BRCA2: variants seen among roughly 807,000 people sequenced by gnomAD.
BRCA2 encodes the protein BRCA2 DNA repair associated.
In BRCA2, 203 loss-of-function variants were observed where a neutral mutation model predicts 276.7. That is an observed-to-expected ratio of 0.73 (90% CI 0.65 to 0.82). The LOEUF (loss-of-function observed/expected upper bound fraction) is 0.82, where lower values mean the gene tolerates loss of function less well. BRCA2 is among the 40% of genes least tolerant of loss of function. BRCA2 has a pLI of 0.00. For missense variants in BRCA2, 3,920 were observed against 3,915.0 expected, an observed-to-expected ratio of 1.00 and a Z score of -0.03; for synonymous variants, 1,289 against 1,338.4, an observed-to-expected ratio of 0.96 and a Z score of 0.81.
At chr13:32,364,880 G>A (rs1411411242) in intron 18 of BRCA2, among the ~76,000 whole-genome samples, 1 of 151,906 alleles carries the variant, frequency 6.6e-6, no homozygotes, top group African/African-American at 2.4e-5. Context: ...TCTTTTCTGT[G>A]TTAGAAACCC....
intron 18 of BRCA2, among the ~76,000 whole-genome samples, chr13:32,367,449 A>C (rs1373608590): frequency 6.6e-6 from 1 of 151,914 alleles, no homozygotes; most frequent in Non-Finnish European, 1.5e-5. Context: ...AGAAAAAAAA[A>C]AGGATAATAA....
intron 3 of BRCA2, among the ~76,000 whole-genome samples, chr13:32,324,280 G>C (rs190438891): frequency 6.6e-6 from 1 of 152,278 alleles, no homozygotes; most frequent in Non-Finnish European, 1.5e-5. Context: ...AAGCCTGAAA[G>C]AGTTGTTCCA....
At chr13:32,392,699 A>G (rs2073005307) in intron 24 of BRCA2, among the ~76,000 whole-genome samples, 1 of 152,216 alleles carries the variant, frequency 6.6e-6, no homozygotes, top group Admixed American at 6.5e-5. Flanking sequence ...GCTTCCCCTA[A>G]TGTTAACATC....
At chr13:32,362,408 T>C (rs902521665) in intron 16 of BRCA2, 115 bp from the exon 17 acceptor site, 13 of 1,040,298 alleles carry the variant, frequency 1.2e-5, no homozygotes, top group South Asian at 1.2e-4. Context: ...TATGAACTCA[T>C]AAAAACTTAA....
At chr13:32,370,336 T>G (rs81002808) in intron 18 of BRCA2, 66 bp from the exon 19 acceptor site, 1 of 1,470,724 alleles carries the variant, frequency 6.8e-7, no homozygotes, top group Non-Finnish European at 9.5e-7. Context: ...AAAACTCTTA[T>G]GATATCTGTA....
chr13:32,325,765 T>C lies in BRCA2; in HGVS notation c.426-336T>C, dbSNP rs11571621. On this transcript the variant is annotated intron_variant, in intron 4 of 26. Transcript: ENST00000380152. ...CCGTGTTAGCTAGGATGGTCTCGATTTCCTGACCTCGTGATCCGCCCGCCT... is the reference window on the plus strand; with the variant it reads ...CCGTGTTAGCTAGGATGGTCTCGATCTCCTGACCTCGTGATCCGCCCGCCT... Among the ~76,000 whole-genome samples the C allele has an allele frequency of 7.3e-3, 1,108 of 151,970 alleles. 16 individuals carry two copies. The highest frequency in any genetic ancestry group is 0.025 in the African/African-American group (1,038 of 41,448).
chr13:32,341,016 A>T lies in BRCA2; in HGVS notation c.6661A>T (p.Asn2221Tyr), dbSNP rs1555284785. The change falls in exon 11 of 27, where the codon AAC (asparagine) becomes TAC (tyrosine). Residue 2221 changes from asparagine (N) to tyrosine (Y), a missense_variant. Asn to Tyr is a moderately radical substitution (Grantham distance 143, BLOSUM62 -2). Around this residue, in one of 2 missense-constraint regions of BRCA2, gnomAD observed 3,263 missense variants for 3,156.9 expected, o/e 1.03. Transcript: ENST00000380152. ...VCSTYSKDSE[N>Y]YFETEAVEIA... The stretch of plus-strand genomic sequence containing the variant: ...TTCTACTTACTCCAAAGATTCAGAA[A>T]ACTACTTTGAAACAGAAGCAGTAGA... 1 of 1,613,146 alleles carries T rather than the reference A, an allele frequency of 6.2e-7. No homozygotes were observed. Among genetic ancestry groups the T allele is most frequent in the Non-Finnish European group, 8.5e-7 (1 of 1,179,790 alleles).
rs1555282734 is a variant in BRCA2, at chr13:32,336,887, A to C, written c.2532A>C (p.Ser844=). 6.2e-7 allele frequency: 1 copy of C among 1,609,920 alleles called. No homozygotes were observed. The highest frequency in any genetic ancestry group is 8.5e-7 in the Non-Finnish European group (1 of 1,179,078). The change falls in exon 11 of 27, where the codon TCA becomes TCC. Residue 844 remains serine, a synonymous_variant. Coordinates refer to ENST00000380152, the MANE Select transcript of BRCA2 (RefSeq NM_000059.4). The part of the protein sequence containing the change: ...LPPEKYMRVA[S]PSRKVQFNQN... ...CTGAAAAATACATGAGAGTAGCATC[A>C]CCTTCAAGAAAGGTACAATTCAACC...
rs767290713 is a variant in BRCA2, at chr13:32,355,203, T to C, written c.7350T>C (p.Asn2450=). 3 of 1,613,618 alleles carry C rather than the reference T, an allele frequency of 1.9e-6. No homozygotes were observed. The South Asian group carries it at 3.3e-5, about 18-fold the overall frequency. The change falls in exon 14 of 27, where the codon AAT becomes AAC. Residue 2450 remains asparagine (N), a synonymous_variant. Coordinates refer to ENST00000380152, the MANE Select transcript of BRCA2 (RefSeq NM_000059.4). ...CTGATGATAGTAAAAATAAGATTAA[T>C]GACAATGAGATTCATCAGTTTAACA... ...HGSDDSKNKI[N]DNEIHQFNKN...
At chr13:32,375,718 GC>G (rs1460951813) in intron 20 of BRCA2, among the ~76,000 whole-genome samples, 4 of 151,914 alleles carry the variant, frequency 2.6e-5, no homozygotes, top group Admixed American at 1.3e-4. Flanking sequence ...GTGCCACCAC[GC>G]CCGGCTAATT....
At chr13:32,355,925 T>C (rs1214507098) in intron 14 of BRCA2, among the ~76,000 whole-genome samples, 1 of 151,960 alleles carries the variant, frequency 6.6e-6, no homozygotes, top group Non-Finnish European at 1.5e-5. Context: ...TTTATACAGC[T>C]TTACAAGTTG....
rs80358434 is a variant in BRCA2 at position 32,332,934 on chromosome 13, C to T, written c.1456C>T (p.Gln486Ter). 6.2e-7 allele frequency: 1 copy of T among 1,607,660 alleles called. No homozygotes were observed. Among genetic ancestry groups the T allele is most frequent in the Non-Finnish European group, 8.5e-7 (1 of 1,178,520 alleles). Residue 486 changes from glutamine (Q) to a stop codon, truncating the protein, a stop_gained, in exon 10 of 27, where the codon CAG becomes TAG. Transcript: ENST00000380152. LOFTEE classifies it high-confidence loss of function. The stretch of plus-strand genomic sequence containing the variant: ...TACAGACTGCATTCTTGCAGTAAAG[C>T]AGGCAATATCTGGAACTTCTCCAGT... Reference protein sequence around the residue: ...SHTDCILAVKQAISGTSPVAS... With the variant: ...SHTDCILAVK
chr13:32,387,448 A>G (rs777056701), intron 24 of BRCA2, among the ~76,000 whole-genome samples: 1 of 152,222 alleles, frequency 6.6e-6, no homozygotes, highest in Non-Finnish European at 1.5e-5. Context: ...CATAAGGGCC[A>G]CTTGAGGGCT....
chr13:32,339,282 G>T lies in BRCA2; in HGVS notation c.4927G>T (p.Val1643Leu), dbSNP rs879254182. The T allele has an allele frequency of 1.9e-6, 3 of 1,607,450 alleles. No homozygotes were observed. Among genetic ancestry groups the T allele is most frequent in the Admixed American group, 3.4e-5 (2 of 58,548 alleles). The stretch of plus-strand genomic sequence containing the variant: ...TTTGAAAGTTAAAGTACATGAAAAT[G>T]TAGAAAAAGAAACAGCAAAAAGTCC... ...IFLKVKVHEN[V>L]EKETAKSPAT... The change falls in exon 11 of 27, where the codon GTA becomes TTA. Residue 1643 changes from valine to leucine, a missense_variant. Physicochemically the swap from Val to Leu is conservative, Grantham distance 32. Transcript: ENST00000380152.
At chr13:32,368,810 GT>G (rs796341976) in intron 18 of BRCA2, among the ~76,000 whole-genome samples, 2 of 138,988 alleles carry the variant, frequency 1.4e-5, no homozygotes, top group African/African-American at 5.2e-5. Context: ...TTTTTTTTTG[GT>G]TTTTTTTGTT....
intron 26 of BRCA2, 100 bp from the exon 27 acceptor site, chr13:32,398,062 A>G: frequency 3.1e-6 from 4 of 1,310,800 alleles, no homozygotes; most frequent in Non-Finnish European, 4.2e-6. Flanking sequence ...ACTGTGTGTA[A>G]TATTTGCGTG....
intron 16 of BRCA2, 25 bp downstream of exon 16, chr13:32,357,954 G>A (rs776792554): frequency 6.2e-7 from 1 of 1,607,066 alleles, no homozygotes; most frequent in Non-Finnish European, 8.5e-7. Flanking sequence ...AAGATTGTGT[G>A]TTAACTTTTA....
At chr13:32,342,921 C>T (rs558681533) in intron 11 of BRCA2, among the ~76,000 whole-genome samples, 7 of 152,054 alleles carry the variant, frequency 4.6e-5, no homozygotes, top group African/African-American at 7.2e-5. Flanking sequence ...TGGTGGCACA[C>T]GCCTGTAATC....
chr13:32,367,504 A>G (rs888795484), intron 18 of BRCA2, among the ~76,000 whole-genome samples: 1 of 151,952 alleles, frequency 6.6e-6, no homozygotes, highest in Admixed American at 6.6e-5. Flanking sequence ...TTCTATTCTC[A>G]TTGTTTTAAA....
Sources: allele counts gnomAD v4.1 joint callset (sites outside exome capture counted in the v4.1 genomes callset), GRCh38; gene constraint gnomAD v4.1.1; regional missense constraint gnomAD v4.1.1; transcripts MANE v1.5; gene names NCBI Gene and HGNC (gene_info 2026-07-23, HGNC 2026-07-21).